The following NEGR1 variants were observed in gnomAD, a reference collection of about 807,000 sequenced individuals.
NEGR1 encodes neuronal growth regulator 1, also known as IgLON family member 4.
NEGR1 carries 10 observed loss-of-function variants against 40.9 expected under a neutral mutation model. The ratio of observed to expected loss-of-function variants is 0.24; its 90% CI spans 0.15 to 0.42. The LOEUF (loss-of-function observed/expected upper bound fraction) is 0.42. Ranked by LOEUF, NEGR1 falls within the 10% of genes least tolerant of loss-of-function variation. NEGR1 has a pLI of 1.00. For synonymous variants in NEGR1, 185 were observed against 166.8 expected, an observed-to-expected ratio of 1.11 and a Z score of -0.84; for missense variants, 352 against 438.9, an observed-to-expected ratio of 0.80 and a Z score of 1.77.
At chr1:72,043,477 A>G (rs1472382985) in intron 1 of NEGR1, among the ~76,000 whole-genome samples, 1 of 151,822 alleles carries the variant, frequency 6.6e-6, no homozygotes, top group African/African-American at 2.4e-5. Context: ...ACATTTTCTT[A>G]TACCTATATA....
intron 6 of NEGR1, among the ~76,000 whole-genome samples, chr1:71,461,171 A>T (rs1305340203): frequency 6.6e-6 from 1 of 152,116 alleles, no homozygotes; most frequent in Non-Finnish European, 1.5e-5. Flanking sequence ...AATAAACATG[A>T]TTGTCTTGTT....
intron 2 of NEGR1, among the ~76,000 whole-genome samples, chr1:71,853,963 T>C (rs1325969711): frequency 1.3e-5 from 2 of 152,172 alleles, no homozygotes; most frequent in African/African-American, 4.8e-5. Flanking sequence ...CTGGTCGTTT[T>C]AAACCCTCAG....
rs1457772740 is a variant in NEGR1, at chr1:71,397,965, T to C, written c.*9481A>G. ...CAGGATGATTTAAATGAAGCCAAGGTACAGCTTGGGCTGTTGCTTCAGACA... is the reference window on the plus strand; with the variant it reads ...CAGGATGATTTAAATGAAGCCAAGGCACAGCTTGGGCTGTTGCTTCAGACA... On this transcript the variant is annotated 3_prime_UTR_variant, in exon 7 of 7. Transcript: ENST00000357731. 2 of 152,304 alleles carry C rather than the reference T, an allele frequency of 1.3e-5. No individual in the cohort carries two copies. The highest frequency in any genetic ancestry group is 4.8e-5 in the African/African-American group (2 of 41,454). The allele number at this position is 152,304 out of a possible 1,614,324, so 9.4% of individuals were successfully genotyped here. A position where few individuals can be genotyped will look rare whatever the true frequency, so the allele number is the denominator to read the frequency against.
intron 6 of NEGR1, among the ~76,000 whole-genome samples, chr1:71,515,613 C>G (rs201271506): frequency 1.1e-4 from 9 of 79,742 alleles, no homozygotes; most frequent in Non-Finnish European, 1.6e-4. Context: ...CCAGCCACTG[C>G]AAAATCATGC....
At chr1:72,205,391 T>G (rs1286417885) in intron 1 of NEGR1, among the ~76,000 whole-genome samples, 1 of 151,638 alleles carries the variant, frequency 6.6e-6, no homozygotes, top group Non-Finnish European at 1.5e-5. Flanking sequence ...GGCCTTTATC[T>G]AGAGATTGCC....
At chr1:71,803,937 A>C (rs1292105145) in intron 2 of NEGR1, among the ~76,000 whole-genome samples, 1 of 152,136 alleles carries the variant, frequency 6.6e-6, no homozygotes, top group Non-Finnish European at 1.5e-5. Context: ...AAATGTATTT[A>C]TATTTTCTTC....
In NEGR1 at chr1:71,402,899, A is replaced by G. The variant is rs1219213626; in HGVS notation, c.*4547T>C. Reference sequence around the variant, plus strand: ...GTTTCTGTGATGTAATTTATGCAAGATAGATAAGATAGATGTTGAAAAGGG... The same window carrying G: ...GTTTCTGTGATGTAATTTATGCAAGGTAGATAAGATAGATGTTGAAAAGGG... On this transcript the variant is annotated 3_prime_UTR_variant, in exon 7 of 7. Transcript: ENST00000357731. The G allele has an allele frequency of 6.6e-6, 1 of 152,094 alleles. No homozygotes were observed. The highest frequency in any genetic ancestry group is 2.4e-5 in the African/African-American group (1 of 41,430). 9.4% of individuals were successfully genotyped at this position (152,094 alleles called of 1,614,324 possible).
chr1:71,411,102 TA>T (rs1353693709), intron 6 of NEGR1, among the ~76,000 whole-genome samples: 1 of 152,192 alleles, frequency 6.6e-6, no homozygotes, highest in Non-Finnish European at 1.5e-5. Flanking sequence ...GTTTGGTACT[TA>T]ATAGGTGTTC....
chr1:71,942,869 G>T (rs990077978), intron 1 of NEGR1, among the ~76,000 whole-genome samples: 1 of 116,588 alleles, frequency 8.6e-6, no homozygotes, highest in Non-Finnish European at 1.7e-5. Flanking sequence ...TGGAACGATC[G>T]TAGCTCACTG....
At position 72,140,818 on chromosome 1, in the gene NEGR1, T is replaced by A. The variant is rs181234888; in HGVS notation, c.176+141501A>T. Among the ~76,000 whole-genome samples the A allele has an allele frequency of 2.2e-4, 34 of 152,120 alleles. No individual in the cohort carries two copies. The Middle Eastern group carries it at 0.014, about 61-fold the overall frequency. ...ATATATTATTCATAATTATTATATT[T>A]AATTAAGGAAGAACTTTTTCACCTA... On this transcript the variant is annotated intron_variant, in intron 1 of 6. Coordinates refer to ENST00000357731, the MANE Select transcript of NEGR1 (RefSeq NM_173808.3).
At chr1:71,956,214 T>A (rs1646118250) in intron 1 of NEGR1, among the ~76,000 whole-genome samples, 1 of 152,186 alleles carries the variant, frequency 6.6e-6, no homozygotes, top group Non-Finnish European at 1.5e-5. Flanking sequence ...ATTTCCTTGA[T>A]GCCAATATAT....
intron 6 of NEGR1, chr1:71,472,491 CAT>C (rs1318327893): frequency 1.3e-5 from 2 of 152,058 alleles, no homozygotes; most frequent in Non-Finnish European, 2.9e-5. Context: ...CTCATAAAGA[CAT>C]ATTGATTTTT....
chr1:71,429,427 C>T (rs1646451095), intron 6 of NEGR1, among the ~76,000 whole-genome samples: 1 of 152,050 alleles, frequency 6.6e-6, no homozygotes, highest in Non-Finnish European at 1.5e-5. Flanking sequence ...ACAGTAAAAT[C>T]CTTATTGATA....
At chr1:71,677,159 G>C (rs1409585146) in intron 4 of NEGR1, among the ~76,000 whole-genome samples, 1 of 152,090 alleles carries the variant, frequency 6.6e-6, no homozygotes, top group Admixed American at 6.6e-5. Flanking sequence ...CTTCTATAAT[G>C]ATGGTCATTA....
chr1:71,878,320 A>T (rs1483551654), intron 2 of NEGR1, among the ~76,000 whole-genome samples: 1 of 152,132 alleles, frequency 6.6e-6, no homozygotes, highest in Admixed American at 6.6e-5. Flanking sequence ...AGTGATTCTT[A>T]CACTTTGGCA....
At chr1:71,698,254 C>G in intron 3 of NEGR1, 115 bp from the exon 4 acceptor site, 2 of 889,956 alleles carry the variant, frequency 2.2e-6, no homozygotes, top group Non-Finnish European at 3.4e-6. Context: ...CCAAATGAAA[C>G]TGGGGAATTA....
At chr1:71,663,156 A>C (rs2101592460) in intron 4 of NEGR1, among the ~76,000 whole-genome samples, 1 of 151,880 alleles carries the variant, frequency 6.6e-6, no homozygotes, top group South Asian at 2.1e-4. Flanking sequence ...ATGGGTTTTC[A>C]CCGTGTTAGC....
intron 4 of NEGR1, among the ~76,000 whole-genome samples, chr1:71,628,887 G>A (rs1016875340): frequency 1.3e-5 from 2 of 152,090 alleles, no homozygotes; most frequent in African/African-American, 2.4e-5. Flanking sequence ...GTGTGCATGT[G>A]TCTTTATAGC....
Position 71,788,768 on chromosome 1 carries a change from A to G in NEGR1, c.410-12471T>C, listed in dbSNP as rs139618630. Among the ~76,000 whole-genome samples the G allele has an allele frequency of 6.4e-3, 971 of 151,918 alleles. 5 individuals carry two copies. The highest frequency in any genetic ancestry group is 0.012 in the South Asian group (58 of 4,806). On this transcript the variant is annotated intron_variant, in intron 2 of 6. Transcript: ENST00000357731. ...ACAGTGGGGAAAGTCTAATTATAGG[A>G]AGGCTACTCTCAAAAGATCTCTCTC...
Sources: allele counts gnomAD v4.1 joint callset (sites outside exome capture counted in the v4.1 genomes callset), GRCh38; gene constraint gnomAD v4.1.1; transcripts MANE v1.5; gene names NCBI Gene and HGNC (gene_info 2026-07-23, HGNC 2026-07-21).